Variants in NEDD1 observed in about 807,000 individuals in gnomAD.
The protein encoded by NEDD1 is protein NEDD1.
NEDD1 carries 33 observed loss-of-function variants against 74.0 expected under a neutral mutation model. The ratio of observed to expected loss-of-function variants is 0.45; its 90% confidence interval spans 0.34 to 0.60. NEDD1 has a LOEUF of 0.60. Among genes scored for constraint, NEDD1 ranks in the 20% least tolerant of loss-of-function variants. The probability of loss-of-function intolerance (pLI) is 0.01; values close to 1 mark genes in which losing one functional copy is unlikely to be tolerated. For synonymous variants in NEDD1, 250 were observed against 264.4 expected, an observed-to-expected ratio of 0.95 and a Z score of 0.53; for missense variants, 746 against 776.5, an observed-to-expected ratio of 0.96 and a Z score of 0.47.
intron 3 of NEDD1, among the ~76,000 whole-genome samples, chr12:96,911,965 A>G (rs1313825779): frequency 6.6e-6 from 1 of 152,148 alleles, no homozygotes; most frequent in Non-Finnish European, 1.5e-5. Flanking sequence ...AACTTCTGAT[A>G]TTTTAATTTG....
intron 11 of NEDD1, 127 bp downstream of exon 11, chr12:96,942,751 G>A: frequency 1.6e-6 from 1 of 633,546 alleles, no homozygotes; most frequent in Non-Finnish European, 2.8e-6. Context: ...TAATTTCTGT[G>A]TATTAAGAAC....
chr12:96,920,593 T>G (rs1874967676), intron 6 of NEDD1, among the ~76,000 whole-genome samples: 1 of 152,296 alleles, frequency 6.6e-6, no homozygotes. Context: ...GTATCGAAGC[T>G]TATATATTTC....
intron 14 of NEDD1, among the ~76,000 whole-genome samples, chr12:96,947,305 T>A (rs1203769079): frequency 6.6e-6 from 1 of 152,200 alleles, no homozygotes; most frequent in Non-Finnish European, 1.5e-5. Flanking sequence ...AAAGTGATGT[T>A]GAAATCACAG....
intron 6 of NEDD1, among the ~76,000 whole-genome samples, chr12:96,930,796 A>G (rs1397336945): frequency 6.6e-6 from 1 of 152,132 alleles, no homozygotes; most frequent in Non-Finnish European, 1.5e-5. Flanking sequence ...AGACAGTCTC[A>G]GGCCTGCTTT....
At chr12:96,936,863 C>T in intron 8 of NEDD1, 51 bp downstream of exon 8, 2 of 1,141,596 alleles carry the variant, frequency 1.8e-6, no homozygotes, top group Non-Finnish European at 2.6e-6. Context: ...AAATCTAACT[C>T]AGAATATGGA....
chr12:96,928,334 T>C (rs1201870986), intron 6 of NEDD1, among the ~76,000 whole-genome samples: 3 of 152,188 alleles, frequency 2.0e-5, no homozygotes, highest in African/African-American at 7.2e-5. Context: ...AATCCTCTAT[T>C]GTTTTATTTT....
intron 3 of NEDD1, among the ~76,000 whole-genome samples, chr12:96,911,592 A>G (rs1379246485): frequency 6.6e-6 from 1 of 152,180 alleles, no homozygotes; most frequent in Non-Finnish European, 1.5e-5. Flanking sequence ...CTTGTCCTTT[A>G]ACTTACGTTC....
intron 6 of NEDD1, among the ~76,000 whole-genome samples, chr12:96,927,557 A>G (rs1176580639): frequency 6.6e-6 from 1 of 152,236 alleles, no homozygotes; most frequent in East Asian, 1.9e-4. Flanking sequence ...AAGCAATTAC[A>G]AATGTCAATC....
chr12:96,952,155 T>C lies in NEDD1; in HGVS notation c.*102T>C. ...TTTCATGGCCTCCAGGGAAAAAATG[T>C]TTTTCAAGTAAGAGTAAAAGGATGA... On this transcript the variant is annotated 3_prime_UTR_variant, in exon 16 of 16. Coordinates refer to ENST00000266742, the MANE Select transcript of NEDD1 (RefSeq NM_152905.4). 1.5e-6 allele frequency: 1 copy of C among 668,766 alleles called. No individual in the cohort carries two copies. Among genetic ancestry groups the C allele is most frequent in the South Asian group, 1.7e-5 (1 of 58,488 alleles). 41.4% of individuals were successfully genotyped at this position (668,766 alleles called of 1,614,324 possible). A position where few individuals can be genotyped will look rare whatever the true frequency, so the allele number is the denominator to read the frequency against.
chr12:96,951,838 C>T (rs1878732896), intron 15 of NEDD1, 111 bp from the exon 16 acceptor site: 6 of 629,020 alleles, frequency 9.5e-6, no homozygotes, highest in Non-Finnish European at 1.7e-5. Context: ...AAATATCATT[C>T]ACCTAGTTAA....
rs532305221 is a variant in NEDD1, at chr12:96,951,206, A to G, written c.1812-226A>G. ...TCTTTTGTAAAATGGACCTGTAATA[A>G]TTGCATCTACTTGTGAAGATATTTT... On this transcript the variant is annotated intron_variant, in intron 14 of 15. Coordinates refer to ENST00000266742, the MANE Select transcript of NEDD1 (RefSeq NM_152905.4). 2.5e-3 allele frequency among the ~76,000 whole-genome samples: 381 copies of G among 152,000 alleles called. 2 individuals are homozygous for G. Among genetic ancestry groups the G allele is most frequent in the African/African-American group, 8.8e-3 (364 of 41,568 alleles).
chr12:96,923,660 G>A (rs1028248716), intron 6 of NEDD1, among the ~76,000 whole-genome samples: 1 of 151,994 alleles, frequency 6.6e-6, no homozygotes, highest in East Asian at 1.9e-4. Context: ...TTTTTATGTT[G>A]GGTTATTCGT....
intron 4 of NEDD1, 105 bp downstream of exon 4, chr12:96,912,922 A>G: frequency 1.7e-6 from 1 of 601,674 alleles, no homozygotes; most frequent in Non-Finnish European, 2.9e-6. Flanking sequence ...TTTTAAAAGC[A>G]TTATTTTTAA....
Position 96,945,817 on chromosome 12 carries a change from G to A in NEDD1, c.1779G>A (p.Gln593=), listed in dbSNP as rs771673901. ...PLTSIQIRFI[Q]NMIQETLDDF... ...CTTCCATTCAAATTCGTTTTATTCAGAACATGATACAGGAAACGTTGGATG... is the reference window on the plus strand; with the variant it reads ...CTTCCATTCAAATTCGTTTTATTCAAAACATGATACAGGAAACGTTGGATG... The change falls in exon 14 of 16, where the codon CAG becomes CAA. Residue 593 remains glutamine, a synonymous_variant. Coordinates refer to ENST00000266742, the MANE Select transcript of NEDD1 (RefSeq NM_152905.4). The A allele has an allele frequency of 6.2e-6, 10 of 1,611,770 alleles. No homozygotes were observed. Among genetic ancestry groups the A allele is most frequent in the Non-Finnish European group, 8.5e-6 (10 of 1,178,314 alleles).
At chr12:96,910,556 A>C (rs989192261) in intron 3 of NEDD1, among the ~76,000 whole-genome samples, 1 of 152,218 alleles carries the variant, frequency 6.6e-6, no homozygotes, top group African/African-American at 2.4e-5. Context: ...AAGACTGTAA[A>C]CTAGGGTTTC....
Position 96,917,657 on chromosome 12 carries a change from A to G in NEDD1, c.268A>G (p.Met90Val), listed in dbSNP as rs367735912. 4.5e-6 allele frequency: 7 copies of G among 1,547,364 alleles called. No homozygotes were observed. Among genetic ancestry groups the G allele is most frequent in the Non-Finnish European group, 6.0e-6 (7 of 1,158,354 alleles). Residue 90 changes from methionine (M) to valine (V), a missense_variant, in exon 5 of 16, where the codon ATG becomes GTG. Transcript: ENST00000266742. ...QTCVNLNSTSMYLVSGGLNNT... is the reference protein window; with the variant it reads ...QTCVNLNSTSVYLVSGGLNNT... ...ATGTGTCAATTTAAATTCTACATCT[A>G]TGTATTTGGTAAGCGGAGGCCTAAA...
At chr12:96,951,034 T>C (rs1878658539) in intron 14 of NEDD1, among the ~76,000 whole-genome samples, 1 of 151,846 alleles carries the variant, frequency 6.6e-6, no homozygotes, top group African/African-American at 2.4e-5. Flanking sequence ...CATTGTAAGA[T>C]AAGTTTGTGT....
chr12:96,923,407 G>A (rs996803057), intron 6 of NEDD1, among the ~76,000 whole-genome samples: 5 of 152,042 alleles, frequency 3.3e-5, no homozygotes, highest in African/African-American at 1.2e-4. Flanking sequence ...TTGTAGCATA[G>A]GCATACAGTT....
chr12:96,920,157 G>C, intron 6 of NEDD1, 32 bp downstream of exon 6: 1 of 1,413,570 alleles, frequency 7.1e-7, no homozygotes, highest in Non-Finnish European at 9.5e-7. Flanking sequence ...AGTAAAATTG[G>C]TAAGATAGAT....
Sources: allele counts gnomAD v4.1 joint callset (sites outside exome capture counted in the v4.1 genomes callset), GRCh38; gene constraint gnomAD v4.1.1; transcripts MANE v1.5; gene names NCBI Gene and HGNC (gene_info 2026-07-23, HGNC 2026-07-21).